The following TBC1D22A variants were observed in gnomAD, a reference collection of about 807,000 sequenced individuals.
TBC1D22A encodes putative GTPase activator.
TBC1D22A carries 38 observed loss-of-function variants against 60.2 expected under a neutral mutation model. The ratio of observed to expected loss-of-function variants is 0.63; its 90% confidence interval spans 0.49 to 0.83. The LOEUF is 0.83. TBC1D22A is among the 40% of genes least tolerant of loss of function. The probability of loss-of-function intolerance (pLI) is 0.00; values close to 1 mark genes in which losing one functional copy is unlikely to be tolerated. For missense variants in TBC1D22A, 628 were observed against 701.0 expected (o/e 0.90, Z 1.18); for synonymous variants, 302 against 281.7 (o/e 1.07, Z -0.72).
rs185019380 is a variant in TBC1D22A at position 47,038,051 on chromosome 22, T to C, written c.1329+853T>C. Reference sequence around the variant, plus strand: ...CTTCCCTTGAGTGTCCCATCACTTATTCTAGCACCTTTTCATTTTGTTCGA... The same window carrying C: ...CTTCCCTTGAGTGTCCCATCACTTACTCTAGCACCTTTTCATTTTGTTCGA... On this transcript the variant is annotated intron_variant, in intron 11 of 12. Transcript: ENST00000337137. Among the ~76,000 whole-genome samples, 95 of 152,360 alleles carry C rather than the reference T, an allele frequency of 6.2e-4. 1 individual carries two copies. The highest frequency in any genetic ancestry group is 3.1e-4 in the Non-Finnish European group (21 of 68,034).
At chr22:46,952,793 A>G (rs762993251) in intron 8 of TBC1D22A, among the ~76,000 whole-genome samples, 13 of 152,050 alleles carry the variant, frequency 8.5e-5, no homozygotes, top group Admixed American at 2.0e-4. Context: ...ACCCCTCAGC[A>G]TTGTTGGTAC....
intron 4 of TBC1D22A, among the ~76,000 whole-genome samples, chr22:46,856,124 G>A (rs1262046380): frequency 6.6e-6 from 1 of 152,200 alleles, no homozygotes; most frequent in Admixed American, 6.5e-5. Flanking sequence ...GACAGGTGTG[G>A]GAATGATGAG....
At chr22:46,844,123 T>C (rs986597454) in intron 4 of TBC1D22A, among the ~76,000 whole-genome samples, 9 of 150,392 alleles carry the variant, frequency 6.0e-5, no homozygotes, top group African/African-American at 2.2e-4. Flanking sequence ...GGGTAAGGCA[T>C]GCTAGATGCT....
At chr22:46,918,774 C>G (rs2070549015) in intron 8 of TBC1D22A, among the ~76,000 whole-genome samples, 1 of 152,188 alleles carries the variant, frequency 6.6e-6, no homozygotes, top group South Asian at 2.1e-4. Context: ...TGTTTCTGTG[C>G]TTGGGGAAGA....
At chr22:46,938,712 G>C (rs937648515) in intron 8 of TBC1D22A, among the ~76,000 whole-genome samples, 2 of 151,482 alleles carry the variant, frequency 1.3e-5, no homozygotes, top group African/African-American at 4.9e-5. Context: ...CAGCCTGCAG[G>C]GTAGCTGGGA....
intron 8 of TBC1D22A, among the ~76,000 whole-genome samples, chr22:46,917,528 G>A (rs1324991721): frequency 1.3e-5 from 2 of 152,166 alleles, no homozygotes; most frequent in Admixed American, 6.5e-5. Flanking sequence ...GTGTGGTGCC[G>A]TTTACCAGGA....
At chr22:47,117,537 A>G (rs1156768108) in intron 12 of TBC1D22A, among the ~76,000 whole-genome samples, 3 of 119,276 alleles carry the variant, frequency 2.5e-5, no homozygotes, top group Non-Finnish European at 5.3e-5. Context: ...ACACCGTGGC[A>G]TCGAGCAGGG....
chr22:46,898,097 A>G (rs2068781513), intron 7 of TBC1D22A, among the ~76,000 whole-genome samples: 1 of 152,202 alleles, frequency 6.6e-6, no homozygotes, highest in South Asian at 2.1e-4. Flanking sequence ...ACGATTTTAA[A>G]AATGGGAAAT....
intron 11 of TBC1D22A, among the ~76,000 whole-genome samples, chr22:47,095,183 A>G (rs527324864): frequency 2.2e-4 from 33 of 152,388 alleles, no homozygotes; most frequent in African/African-American, 6.3e-4. Flanking sequence ...ATTTCAAAGG[A>G]AATCATAGCA....
intron 1 of TBC1D22A, among the ~76,000 whole-genome samples, chr22:46,771,511 C>T (rs576858268): frequency 1.5e-4 from 23 of 152,118 alleles, no homozygotes; most frequent in Admixed American, 8.5e-4. Flanking sequence ...ATCCCTCACC[C>T]GCTTCCCATC....
At position 46,792,933 on chromosome 22, in the gene TBC1D22A, G is replaced by A. The variant is rs1053420377; in HGVS notation, c.119+357G>A. On this transcript the variant is annotated intron_variant, in intron 2 of 12. Transcript: ENST00000337137. ...CATTCTCCACCAGCTGCTGGAGCCC[G>A]GCCCTGGCCTGTCCTGGCCCCTCCA... 17 of 1,312,284 alleles carry A rather than the reference G, an allele frequency of 1.3e-5. No homozygotes were observed. In the African/African-American group the frequency reaches 1.3e-4, roughly 10 times the overall value. The allele number at this position is 1,312,284 out of a possible 1,614,324, so 81.3% of individuals were successfully genotyped here.
intron 11 of TBC1D22A, among the ~76,000 whole-genome samples, chr22:47,051,055 G>C (rs928315575): frequency 6.6e-6 from 1 of 152,040 alleles, no homozygotes; most frequent in Non-Finnish European, 1.5e-5. Flanking sequence ...GGCTTCCCCA[G>C]GGGGCTTCCG....
intron 8 of TBC1D22A, among the ~76,000 whole-genome samples, chr22:46,959,531 C>G (rs2073384539): frequency 6.6e-6 from 1 of 152,198 alleles, no homozygotes; most frequent in Non-Finnish European, 1.5e-5. Flanking sequence ...GGGAGTCAGG[C>G]TGTTTCCTTG....
At chr22:47,167,763 G>A (rs182071220) in intron 12 of TBC1D22A, among the ~76,000 whole-genome samples, 17 of 152,296 alleles carry the variant, frequency 1.1e-4, no homozygotes, top group African/African-American at 3.6e-4. Context: ...AGCACCATTC[G>A]ATTGGATAAA....
intron 4 of TBC1D22A, among the ~76,000 whole-genome samples, chr22:46,851,010 G>T (rs1387625102): frequency 2.0e-5 from 3 of 152,206 alleles, no homozygotes; most frequent in Non-Finnish European, 4.4e-5. Context: ...TAGTTGTGGG[G>T]CTGAGGAGTG....
intron 1 of TBC1D22A, among the ~76,000 whole-genome samples, chr22:46,785,600 C>T (rs1373048019): frequency 1.3e-5 from 2 of 152,344 alleles, no homozygotes; most frequent in East Asian, 3.9e-4. Flanking sequence ...ACTATCACCC[C>T]TGCCTTCCTC....
intron 11 of TBC1D22A, among the ~76,000 whole-genome samples, chr22:47,038,865 A>C (rs2062743761): frequency 6.6e-6 from 1 of 152,198 alleles, no homozygotes; most frequent in African/African-American, 2.4e-5. Context: ...CTGGGACATA[A>C]AGCCTTACCT....
intron 8 of TBC1D22A, among the ~76,000 whole-genome samples, chr22:46,953,682 T>G (rs2073036836): frequency 6.6e-6 from 1 of 152,258 alleles, no homozygotes; most frequent in Non-Finnish European, 1.5e-5. Flanking sequence ...ACTGTCATTC[T>G]ATTGTCTTTT....
At chr22:46,780,055 A>G (rs1294256883) in intron 1 of TBC1D22A, among the ~76,000 whole-genome samples, 1 of 152,190 alleles carries the variant, frequency 6.6e-6, no homozygotes, top group Non-Finnish European at 1.5e-5. Context: ...CCTAGAGTTA[A>G]TTTCCTTGGA....
Sources: allele counts gnomAD v4.1 joint callset (sites outside exome capture counted in the v4.1 genomes callset), GRCh38; gene constraint gnomAD v4.1.1; transcripts MANE v1.5; gene names NCBI Gene and HGNC (gene_info 2026-07-23, HGNC 2026-07-21).